MTM1: variants seen among roughly 807,000 people sequenced by gnomAD.
MTM1 encodes the protein myotubularin 1.
MTM1 carries 9 observed loss-of-function variants against 52.1 expected under a neutral mutation model. That is an observed-to-expected ratio of 0.17 (90% CI 0.10 to 0.30). The LOEUF is 0.30. Among genes scored for constraint, MTM1 ranks in the 10% least tolerant of loss-of-function variants. The pLI is 1.00. For synonymous variants in MTM1, 136 were observed against 163.8 expected (o/e 0.83, Z 1.29); for missense variants, 277 against 470.7 (o/e 0.59, Z 3.81).
At chrX:150,601,462 G>C (rs1452533057) in intron 4 of MTM1, among the ~76,000 whole-genome samples, 1 of 112,439 alleles carries the variant, frequency 8.9e-6, no homozygotes, top group Non-Finnish European at 1.9e-5. Context: ...TTGACAAAAA[G>C]CTGTCATCTC....
chrX:150,586,351 CTG>C (rs1435587426), intron 1 of MTM1, among the ~76,000 whole-genome samples: 2 of 110,864 alleles, frequency 1.8e-5, no homozygotes, highest in Non-Finnish European at 3.8e-5. Flanking sequence ...TTTTAGATAT[CTG>C]AGCCTGAATA....
At chrX:150,611,200 T>C (rs781932630) in intron 4 of MTM1, among the ~76,000 whole-genome samples, 33 of 112,358 alleles carry the variant, frequency 2.9e-4, no homozygotes, top group Non-Finnish European at 6.0e-4. Context: ...AGCATACTGA[T>C]CCACTATATT....
rs1041455467 is a variant in MTM1 at position 150,653,150 on chromosome X, G to A, written c.1053+3249G>A. Among the ~76,000 whole-genome samples the A allele has an allele frequency of 3.6e-5, 4 of 111,899 alleles. No individual in the cohort carries two copies. In the South Asian group the frequency reaches 1.5e-3, roughly 42 times the overall value. ...GACTGGGGAGTCTAGGTGGACACTT[G>A]TAATGATATCTGACTCAGGGCTTCT... On this transcript the variant is annotated intron_variant, in intron 10 of 14. Coordinates refer to ENST00000370396, the MANE Select transcript of MTM1 (RefSeq NM_000252.3).
At chrX:150,648,828 A>C (rs1041616962) in intron 9 of MTM1, among the ~76,000 whole-genome samples, 1 of 112,642 alleles carries the variant, frequency 8.9e-6, no homozygotes, top group African/African-American at 3.2e-5. Context: ...GTGCTCTCTC[A>C]TTGGTGTTTG....
intron 6 of MTM1, among the ~76,000 whole-genome samples, chrX:150,636,007 G>A (rs1410588241): frequency 8.9e-6 from 1 of 112,044 alleles, no homozygotes; most frequent in South Asian, 3.7e-4. Context: ...GCTGTTGTGC[G>A]ATTCATAATT....
intron 1 of MTM1, among the ~76,000 whole-genome samples, chrX:150,571,219 C>A (rs111905754): frequency 0.013 from 1,467 of 112,270 alleles, 28 homozygotes; most frequent in African/African-American, 0.045. Context: ...AGATTGTTTT[C>A]ATTATTCTTT....
In MTM1 at chrX:150,649,805, A is replaced by G; in HGVS notation, c.957A>G (p.Glu319=). Residue 319 remains glutamate (E), a synonymous_variant, in exon 10 of 15, where the codon GAA becomes GAG. Transcript: ENST00000370396. ...LDIHNIHVMR[E]SLKKVKDIVY... ...TTCATAATATTCATGTTATGCGGGAATCTTTAAAAAAAGTGAAGGACATTG... is the reference window on the plus strand; with the variant it reads ...TTCATAATATTCATGTTATGCGGGAGTCTTTAAAAAAAGTGAAGGACATTG... 1 of 1,209,118 alleles carries G rather than the reference A, an allele frequency of 8.3e-7. No homozygotes were observed. Among genetic ancestry groups the G allele is most frequent in the African/African-American group, 1.7e-5 (1 of 57,813 alleles).
chrX:150,583,713 A>ATATATATTATATAAATTATATAT, intron 1 of MTM1, among the ~76,000 whole-genome samples: 1 of 45,628 alleles, frequency 2.2e-5, no homozygotes, highest in Non-Finnish European at 3.6e-5. Flanking sequence ...TATATAAATT[A>ATATATATTATATAAATTATATAT]TATATATTAT....
chrX:150,570,200 C>A (rs1185650938), intron 1 of MTM1, among the ~76,000 whole-genome samples: 3 of 109,343 alleles, frequency 2.7e-5, no homozygotes, highest in Non-Finnish European at 5.7e-5. Context: ...GAGGTCCCTG[C>A]CTTATAGAGT....
chrX:150,663,284 C>A, intron 13 of MTM1, 149 bp from the exon 14 acceptor site: 1 of 608,404 alleles, frequency 1.6e-6, no homozygotes, highest in Non-Finnish European at 2.6e-6. Context: ...ACTCACTGGC[C>A]CATGAGGCTT....
At chrX:150,648,385 C>T (rs1405867715) in intron 9 of MTM1, among the ~76,000 whole-genome samples, 1 of 112,102 alleles carries the variant, frequency 8.9e-6, no homozygotes, top group Admixed American at 9.4e-5. Flanking sequence ...TCCATGGCTA[C>T]AAGCTTATAT....
intron 4 of MTM1, among the ~76,000 whole-genome samples, chrX:150,608,353 G>C: frequency 9.0e-6 from 1 of 110,705 alleles, no homozygotes; most frequent in Non-Finnish European, 1.9e-5. Context: ...TGAGTAGCTA[G>C]GACTATAGCT....
chrX:150,600,196 AT>A (rs2039045914), intron 4 of MTM1, among the ~76,000 whole-genome samples: 1 of 111,748 alleles, frequency 8.9e-6, no homozygotes, highest in South Asian at 3.7e-4. Context: ...CATAGAAGAC[AT>A]GCATTTCCAA....
intron 14 of MTM1, among the ~76,000 whole-genome samples, chrX:150,667,455 C>T (rs782232313): frequency 2.7e-5 from 3 of 111,513 alleles, no homozygotes; most frequent in Non-Finnish European, 5.7e-5. Context: ...TCGTTATGTT[C>T]GTTGTTTGTC....
intron 6 of MTM1, among the ~76,000 whole-genome samples, chrX:150,622,989 C>T (rs782638308): frequency 1.1e-4 from 12 of 111,547 alleles, no homozygotes; most frequent in Non-Finnish European, 1.9e-4. Flanking sequence ...TTTGAGAATA[C>T]GATGTAAATT....
At chrX:150,575,000 G>A (rs781825148) in intron 1 of MTM1, among the ~76,000 whole-genome samples, 1 of 112,221 alleles carries the variant, frequency 8.9e-6, no homozygotes, top group East Asian at 2.8e-4. Flanking sequence ...TTTGAACCCA[G>A]GCAAGTCTGA....
intron 6 of MTM1, among the ~76,000 whole-genome samples, chrX:150,629,236 TGAGTGTAGACTGA>T (rs1345555836): frequency 8.9e-6 from 1 of 111,883 alleles, no homozygotes; most frequent in Non-Finnish European, 1.9e-5. Flanking sequence ...TCAGTGGAGT[TGAGTGTAGACTGA>T]GATGTTCGCC....
chrX:150,663,285 C>T lies in MTM1; in HGVS notation c.1468-148C>T. Reference sequence around the variant, plus strand: ...AGTGGCTGCCAAGCACTCACTGGCCCATGAGGCTTTTTGAGCTATTATGAG... The same window carrying T: ...AGTGGCTGCCAAGCACTCACTGGCCTATGAGGCTTTTTGAGCTATTATGAG... On this transcript the variant is annotated intron_variant, in intron 13 of 14. Transcript: ENST00000370396. The T allele has an allele frequency of 1.1e-5, 7 of 615,733 alleles. No homozygotes were observed. The South Asian group carries it at 1.5e-4, about 14-fold the overall frequency. The allele number at this position is 615,733 out of a possible 1,213,427, so 50.7% of individuals were successfully genotyped here.
At chrX:150,635,576 G>C (rs1194413134) in intron 6 of MTM1, among the ~76,000 whole-genome samples, 3 of 111,891 alleles carry the variant, frequency 2.7e-5, no homozygotes, top group African/African-American at 9.7e-5. Context: ...ACTTGTAGGG[G>C]ATTTTATGCT....
Sources: allele counts gnomAD v4.1 joint callset (sites outside exome capture counted in the v4.1 genomes callset), GRCh38; gene constraint gnomAD v4.1.1; transcripts MANE v1.5; gene names NCBI Gene and HGNC (gene_info 2026-07-23, HGNC 2026-07-21).